CORO7: variants seen among roughly 807,000 people sequenced by gnomAD.
CORO7 encodes the protein coronin 7, also known as coronin-7.
CORO7 carries 107 observed loss-of-function variants against 126.6 expected under a neutral mutation model. That is an observed-to-expected ratio of 0.85 (90% confidence interval 0.72 to 0.99). The LOEUF (loss-of-function observed/expected upper bound fraction) is 0.99. Among genes scored for constraint, CORO7 ranks in the 50% least tolerant of loss-of-function variants. The probability of loss-of-function intolerance (pLI) is 0.00; values close to 1 mark genes in which losing one functional copy is unlikely to be tolerated. For synonymous variants in CORO7, 603 were observed against 536.8 expected, an observed-to-expected ratio of 1.12 and a Z score of -1.70; for missense variants, 1,314 against 1,255.8, an observed-to-expected ratio of 1.05 and a Z score of -0.70.
At chr16:4,412,530 A>G (rs2056250413) in intron 2 of CORO7, 100 bp from the exon 3 acceptor site, 1 of 1,240,552 alleles carries the variant, frequency 8.1e-7, no homozygotes, top group African/African-American at 1.5e-5. Context: ...TCAGCCTCGG[A>G]CCTTCCCAGA....
At chr16:4,371,913 A>AC (rs889100653) in intron 9 of CORO7, 18 of 150,680 alleles carry the variant, frequency 1.2e-4, no homozygotes, top group African/African-American at 4.4e-4. Flanking sequence ...GGGACCCAGG[A>AC]CCCCCTCGGG....
rs111697486 is a variant in CORO7, at chr16:4,399,839, T to TA, written c.565-4501dup. On this transcript the variant is annotated intron_variant, in intron 6 of 27. Transcript: ENST00000251166. ...CTTAGAGTTTGAGGCTGCAGCAAGC[T>TA]AAAAAAAAAAGAAGAAGGTAAATTT... Among the ~76,000 whole-genome samples, 54 of 145,972 alleles carry TA rather than the reference T, an allele frequency of 3.7e-4. 1 individual carries two copies. The highest frequency in any genetic ancestry group is 1.8e-3 in the East Asian group (9 of 5,030).
rs1261492694 is a variant in CORO7, at chr16:4,412,372, G to A, written c.216C>T (p.His72=). The change falls in exon 3 of 28, where the codon CAC becomes CAT. Residue 72 remains histidine, a synonymous_variant. Transcript: ENST00000251166. ...CCCACTCACCTGAATGGCAGCCCAGGTGGGCCACGCGTCGCTTGTCCTCTC... is the reference window on the plus strand; with the variant it reads ...CCCACTCACCTGAATGGCAGCCCAGATGGGCCACGCGTCGCTTGTCCTCTC... ...GQGEDKRRVA[H]LGCHSDLVTD... is the part of the protein sequence containing the mutation. 7 of 1,614,212 alleles carry A rather than the reference G, an allele frequency of 4.3e-6. No homozygotes were observed. The highest frequency in any genetic ancestry group is 2.2e-5 in the East Asian group (1 of 44,880).
rs1484163363 is a variant in CORO7 at position 4,362,817 on chromosome 16, T to C, written c.1276-79A>G. On this transcript the variant is annotated intron_variant, in intron 14 of 27. Transcript: ENST00000251166. This position sits in a 1 kb window ranked among gnomAD's most constrained non-coding sequence, Gnocchi z 5.3. ...GAGGGGGTGCCAGCGGACTCCAGGG[T>C]CACCACTCTGGGCCCCCTGCGGACT... is the stretch of plus-strand genomic sequence containing the variant. 5 of 1,269,042 alleles carry C rather than the reference T, an allele frequency of 3.9e-6. No homozygotes were observed. Among genetic ancestry groups the C allele is most frequent in the African/African-American group, 1.5e-5 (1 of 64,538 alleles). The allele number at this position is 1,269,042 out of a possible 1,614,324, so 78.6% of individuals were successfully genotyped here.
chr16:4,392,625 C>T (rs1051778980), intron 7 of CORO7, among the ~76,000 whole-genome samples: 9 of 152,342 alleles, frequency 5.9e-5, no homozygotes, highest in South Asian at 4.1e-4. Context: ...GGCGGCCCCG[C>T]TCCCTGACCC....
intron 2 of CORO7, chr16:4,413,050 G>A (rs2056271746): frequency 2.4e-6 from 1 of 413,404 alleles, no homozygotes; most frequent in Non-Finnish European, 4.3e-6. Context: ...ACAAGCGTCA[G>A]TCCCCTCCCA....
At chr16:4,384,210 G>A (rs775061857) in intron 9 of CORO7, among the ~76,000 whole-genome samples, 2 of 152,226 alleles carry the variant, frequency 1.3e-5, no homozygotes, top group African/African-American at 2.4e-5. Context: ...GCTTGCAGAC[G>A]GTGCCAGGAT....
chr16:4,402,828 G>T (rs1166794618), intron 6 of CORO7, among the ~76,000 whole-genome samples: 1 of 152,160 alleles, frequency 6.6e-6, no homozygotes, highest in African/African-American at 2.4e-5. Context: ...TGGGCCATCC[G>T]TGAGGAGAGC....
chr16:4,355,814 G>A (rs572323965), intron 26 of CORO7, among the ~76,000 whole-genome samples: 1 of 151,460 alleles, frequency 6.6e-6, no homozygotes, highest in South Asian at 2.1e-4. Context: ...GTCTTGCTCT[G>A]TCACCAAGGC....
chr16:4,358,573 T>G, intron 23 of CORO7, 90 bp from the exon 24 acceptor site: 3 of 1,240,210 alleles, frequency 2.4e-6, no homozygotes, highest in Non-Finnish European at 3.3e-6. Context: ...ACCCCTCACT[T>G]AGGACCACCA....
intron 7 of CORO7, among the ~76,000 whole-genome samples, chr16:4,393,666 G>A (rs540557203): frequency 6.6e-6 from 1 of 152,134 alleles, no homozygotes; most frequent in Admixed American, 6.5e-5. Context: ...TGGGGAAAAC[G>A]TCCTAGAAAT....
intron 9 of CORO7, among the ~76,000 whole-genome samples, chr16:4,385,457 C>T (rs2055164687): frequency 6.6e-6 from 1 of 152,188 alleles, no homozygotes; most frequent in Admixed American, 6.5e-5. Flanking sequence ...CATTCACACA[C>T]TCATCCCCGC....
chr16:4,409,065 G>A (rs994883441), intron 3 of CORO7, among the ~76,000 whole-genome samples: 1 of 152,174 alleles, frequency 6.6e-6, no homozygotes, highest in Non-Finnish European at 1.5e-5. Flanking sequence ...TGCGGTGGGT[G>A]GTTGGGGAGG....
At position 4,362,593 on chromosome 16, in the gene CORO7, C is replaced by A. The variant is rs1411636272; in HGVS notation, c.1402+19G>T. The stretch of plus-strand genomic sequence containing the variant: ...AGGGCTCCTGCGGTAGGGGTGAGCT[C>A]CCCGTCCTGCCTCCTTACCCAGCAG... On this transcript the variant is annotated intron_variant, in intron 15 of 27. Coordinates refer to ENST00000251166, the MANE Select transcript of CORO7 (RefSeq NM_024535.5). The surrounding 1 kb of genome is among the most constrained non-coding windows in gnomAD (Gnocchi z 5.3). 2.6e-6 allele frequency: 4 copies of A among 1,539,614 alleles called. No homozygotes were observed. Among genetic ancestry groups the A allele is most frequent in the Non-Finnish European group, 1.7e-6 (2 of 1,146,646 alleles).
intron 9 of CORO7, among the ~76,000 whole-genome samples, chr16:4,385,461 T>C (rs1216882890): frequency 1.3e-5 from 2 of 152,120 alleles, no homozygotes; most frequent in African/African-American, 4.8e-5. Flanking sequence ...CACACACTCA[T>C]CCCCGCTCAA....
At chr16:4,398,094 T>A (rs2055667020) in intron 6 of CORO7, among the ~76,000 whole-genome samples, 1 of 151,724 alleles carries the variant, frequency 6.6e-6, no homozygotes, top group African/African-American at 2.4e-5. Context: ...GTTTTAATAT[T>A]TCTTTCGTAG....
Position 4,365,478 on chromosome 16 carries a change from G to C in CORO7, c.840+13C>G. On this transcript the variant is annotated intron_variant, in intron 10 of 27. Transcript: ENST00000251166. The stretch of plus-strand genomic sequence containing the variant: ...GCTGTGGATGTGGGTGGGAGCCCCA[G>C]CTTCTCACTCACCTTTCCTGCCAGG... The C allele has an allele frequency of 6.4e-7, 1 of 1,556,186 alleles. No individual in the cohort carries two copies. Among genetic ancestry groups the C allele is most frequent in the Non-Finnish European group, 8.7e-7 (1 of 1,150,742 alleles).
At chr16:4,382,887 G>T in intron 9 of CORO7, 2 of 1,530,352 alleles carry the variant, frequency 1.3e-6, no homozygotes, top group Non-Finnish European at 1.8e-6. Flanking sequence ...TCCACGCAAA[G>T]CCCTACATCT....
intron 9 of CORO7, chr16:4,381,583 C>A: frequency 6.2e-7 from 1 of 1,603,164 alleles, no homozygotes; most frequent in South Asian, 1.1e-5. Flanking sequence ...ACCTGTGATC[C>A]GAGGCCTCCG....
Sources: gnomAD v4.1 joint callset for allele counts (sites outside exome capture counted in the v4.1 genomes callset) on GRCh38, gnomAD v4.1.1 for gene constraint, Gnocchi (gnomAD v3.1) non-coding constraint, MANE v1.5 for transcripts, NCBI Gene and HGNC (gene_info 2026-07-23, HGNC 2026-07-21) for gene names.